Variants in CCDC60 observed in about 807,000 individuals in gnomAD.
CCDC60 encodes the protein coiled-coil domain containing 60.
A neutral mutation model predicts 63.5 loss-of-function variants in CCDC60; 54 were observed. The observed-to-expected ratio is 0.85, with a 90% confidence interval of 0.68 to 1.07. CCDC60 has a LOEUF of 1.07. Ranked by LOEUF, CCDC60 falls within the 50% of genes least tolerant of loss-of-function variation. CCDC60 has a pLI of 0.00. For missense variants in CCDC60, 651 were observed against 684.3 expected, an observed-to-expected ratio of 0.95 and a Z score of 0.54; for synonymous variants, 206 against 238.8, an observed-to-expected ratio of 0.86 and a Z score of 1.27.
intron 1 of CCDC60, among the ~76,000 whole-genome samples, chr12:119,362,466 C>T (rs1465368356): frequency 1.3e-5 from 2 of 152,076 alleles, no homozygotes; most frequent in African/African-American, 2.4e-5. Context: ...TTCTAACTTA[C>T]AATATTGAGT....
At chr12:119,501,325 C>G (rs1322343931) in intron 6 of CCDC60, among the ~76,000 whole-genome samples, 8 of 152,126 alleles carry the variant, frequency 5.3e-5, no homozygotes, top group Non-Finnish European at 1.2e-4. Flanking sequence ...CAGTTATGCC[C>G]TCTTAATAAC....
At chr12:119,380,669 T>C (rs1955999290) in intron 1 of CCDC60, among the ~76,000 whole-genome samples, 2 of 152,224 alleles carry the variant, frequency 1.3e-5, no homozygotes, top group African/African-American at 4.8e-5. Context: ...AAATTCTCTT[T>C]TGTCCTTTTT....
intron 1 of CCDC60, among the ~76,000 whole-genome samples, chr12:119,366,359 G>A (rs1190161614): frequency 2.6e-5 from 4 of 152,144 alleles, no homozygotes; most frequent in Admixed American, 6.5e-5. Context: ...CGGTATTAAC[G>A]GTCATAGCAG....
intron 2 of CCDC60, chr12:119,433,713 C>T: frequency 1.6e-6 from 1 of 637,660 alleles, no homozygotes; most frequent in Non-Finnish European, 2.8e-6. Flanking sequence ...TTGAGCCAAA[C>T]TATTTTACTG....
chr12:119,532,558 T>C (rs1361217012), intron 13 of CCDC60, among the ~76,000 whole-genome samples: 1 of 152,048 alleles, frequency 6.6e-6, no homozygotes, highest in Non-Finnish European at 1.5e-5. Context: ...CTCCTAATGC[T>C]ATCCCTCCCC....
chr12:119,504,942 C>G (rs1243408990), intron 6 of CCDC60, 127 bp from the exon 7 acceptor site: 1 of 641,056 alleles, frequency 1.6e-6, no homozygotes, highest in East Asian at 2.7e-5. Flanking sequence ...AGAAGGAATT[C>G]ACAGTCAGAC....
intron 1 of CCDC60, among the ~76,000 whole-genome samples, chr12:119,335,555 A>T (rs372012925): frequency 0.079 from 11,878 of 150,130 alleles, 607 homozygotes; most frequent in Middle Eastern, 0.18. Context: ...GCCAGTGATG[A>T]TGAGCATTTT....
intron 1 of CCDC60, among the ~76,000 whole-genome samples, chr12:119,338,572 T>G (rs887872897): frequency 6.6e-6 from 1 of 152,192 alleles, no homozygotes; most frequent in Non-Finnish European, 1.5e-5. Flanking sequence ...ACAAGTCCTC[T>G]CCATCTCACC....
intron 3 of CCDC60, among the ~76,000 whole-genome samples, chr12:119,478,539 C>T (rs963656784): frequency 6.6e-6 from 1 of 151,518 alleles, no homozygotes; most frequent in Non-Finnish European, 1.5e-5. Flanking sequence ...ACTAGTATGC[C>T]GCATGATTTA....
intron 1 of CCDC60, among the ~76,000 whole-genome samples, chr12:119,373,841 A>G (rs924208604): frequency 6.6e-6 from 1 of 152,076 alleles, no homozygotes; most frequent in East Asian, 1.9e-4. Flanking sequence ...GATTGACTAC[A>G]TTTTTCACGT....
intron 13 of CCDC60, among the ~76,000 whole-genome samples, chr12:119,538,769 G>A (rs569942424): frequency 1.6e-4 from 25 of 152,260 alleles, no homozygotes; most frequent in South Asian, 8.3e-4. Context: ...GAGAAGAAGC[G>A]TTCTGGTTTT....
At chr12:119,383,815 A>C (rs1432807045) in intron 1 of CCDC60, among the ~76,000 whole-genome samples, 1 of 152,210 alleles carries the variant, frequency 6.6e-6, no homozygotes, top group African/African-American at 2.4e-5. Flanking sequence ...GGGCATGTTC[A>C]TGAGATGGGT....
chr12:119,522,883 C>A (rs938180980), intron 9 of CCDC60, 56 bp from the exon 10 acceptor site: 3 of 1,547,230 alleles, frequency 1.9e-6, no homozygotes, highest in Middle Eastern at 1.7e-4. Context: ...ACTGGGGGCA[C>A]CCTTTTCTTG....
intron 13 of CCDC60, among the ~76,000 whole-genome samples, chr12:119,538,209 A>G (rs1305793829): frequency 6.6e-6 from 1 of 152,256 alleles, no homozygotes; most frequent in South Asian, 2.1e-4. Context: ...CTCCATGGGC[A>G]TGGGACCTGC....
At chr12:119,521,420 G>A (rs138494047) in intron 9 of CCDC60, among the ~76,000 whole-genome samples, 48 of 152,290 alleles carry the variant, frequency 3.2e-4, no homozygotes, top group African/African-American at 9.9e-4. Context: ...ACTGTGAAGT[G>A]TTCTGAAAAA....
intron 1 of CCDC60, among the ~76,000 whole-genome samples, chr12:119,399,945 C>T (rs950749466): frequency 4.6e-5 from 7 of 152,088 alleles, no homozygotes; most frequent in East Asian, 1.9e-4. Flanking sequence ...GATTAAGTAT[C>T]GTGCACTCCA....
chr12:119,476,646 C>G (rs1200835113), intron 3 of CCDC60, among the ~76,000 whole-genome samples: 1 of 152,186 alleles, frequency 6.6e-6, no homozygotes, highest in East Asian at 1.9e-4. Flanking sequence ...TTGCACACAG[C>G]CTAACACCCT....
intron 6 of CCDC60, among the ~76,000 whole-genome samples, chr12:119,504,631 C>T (rs1951943639): frequency 6.6e-6 from 1 of 152,182 alleles, no homozygotes; most frequent in Non-Finnish European, 1.5e-5. Context: ...GAAGTGTACA[C>T]ATGGAATTTG....
chr12:119,415,620 T>C lies in CCDC60; in HGVS notation c.91-13063T>C, dbSNP rs574169615. Among the ~76,000 whole-genome samples the C allele has an allele frequency of 3.7e-4, 56 of 152,304 alleles. 1 individual carries two copies. In the East Asian group the frequency reaches 4.1e-3, roughly 11 times the overall value. On this transcript the variant is annotated intron_variant, in intron 1 of 13. Transcript: ENST00000327554. ...AGAGGTCATCGGAGGCTGTGTCTGT[T>C]GTCCAGGTGGCTTGCAGCAGCGTGG...
Sources: gnomAD v4.1 joint callset for allele counts (sites outside exome capture counted in the v4.1 genomes callset) on GRCh38, gnomAD v4.1.1 for gene constraint, MANE v1.5 for transcripts, NCBI Gene and HGNC (gene_info 2026-07-23, HGNC 2026-07-21) for gene names.